Variants in TRIM44 observed in about 807,000 individuals in gnomAD.
The protein encoded by TRIM44 is tripartite motif-containing protein 44.
In TRIM44, 13 loss-of-function variants were observed where a neutral mutation model predicts 37.4. The observed-to-expected ratio is 0.35, with a 90% CI of 0.23 to 0.55. The LOEUF is 0.55. Ranked by LOEUF, TRIM44 falls within the 20% of genes least tolerant of loss-of-function variation. The probability of loss-of-function intolerance (pLI) is 0.89; values close to 1 mark genes in which losing one functional copy is unlikely to be tolerated. For missense variants in TRIM44, 426 were observed against 437.2 expected (o/e 0.97, Z 0.23); for synonymous variants, 175 against 157.2 (o/e 1.11, Z -0.85).
intron 4 of TRIM44, among the ~76,000 whole-genome samples, chr11:35,799,422 C>T (rs1323503794): frequency 6.6e-6 from 1 of 152,156 alleles, no homozygotes; most frequent in African/African-American, 2.4e-5. Flanking sequence ...AAACTCAGGT[C>T]TGTATTTCTT....
intron 4 of TRIM44, among the ~76,000 whole-genome samples, chr11:35,775,616 T>C (rs1852945908): frequency 6.6e-6 from 1 of 152,230 alleles, no homozygotes; most frequent in African/African-American, 2.4e-5. Context: ...TTGTGATAAA[T>C]AGCTCTTACC....
chr11:35,719,821 A>T (rs1032073167), intron 2 of TRIM44, among the ~76,000 whole-genome samples: 2 of 152,062 alleles, frequency 1.3e-5, no homozygotes, highest in African/African-American at 4.8e-5. Flanking sequence ...TCTCTATTGT[A>T]TTACCTTTGC....
At chr11:35,752,140 C>T (rs1852566207) in intron 4 of TRIM44, among the ~76,000 whole-genome samples, 1 of 151,458 alleles carries the variant, frequency 6.6e-6, no homozygotes, top group African/African-American at 2.4e-5. Context: ...AGGAATTATT[C>T]CCAATATCTT....
At chr11:35,740,547 G>A (rs1564990066) in intron 4 of TRIM44, among the ~76,000 whole-genome samples, 2 of 152,034 alleles carry the variant, frequency 1.3e-5, no homozygotes, top group Non-Finnish European at 2.9e-5. Context: ...TGTTATTCAG[G>A]CAAAAAGCTC....
At chr11:35,791,487 G>A (rs1590603783) in intron 4 of TRIM44, among the ~76,000 whole-genome samples, 1 of 152,018 alleles carries the variant, frequency 6.6e-6, no homozygotes, top group East Asian at 1.9e-4. Flanking sequence ...CCCCCGCCCT[G>A]ACATTTTCTT....
chr11:35,786,468 A>G (rs561746814), intron 4 of TRIM44, among the ~76,000 whole-genome samples: 1 of 152,276 alleles, frequency 6.6e-6, no homozygotes, highest in South Asian at 2.1e-4. Context: ...CACAATGCAC[A>G]CCACTTACAC....
intron 4 of TRIM44, among the ~76,000 whole-genome samples, chr11:35,744,133 G>C (rs927719020): frequency 5.3e-5 from 8 of 152,084 alleles, no homozygotes; most frequent in African/African-American, 1.9e-4. Flanking sequence ...TGTATACCAG[G>C]GATTTGTGAC....
chr11:35,750,738 TAG>T (rs1852549808), intron 4 of TRIM44, among the ~76,000 whole-genome samples: 1 of 152,320 alleles, frequency 6.6e-6, no homozygotes, highest in East Asian at 1.9e-4. Flanking sequence ...AAAGAAAATG[TAG>T]AGTCATTATC....
At chr11:35,696,625 G>T (rs1455219179) in intron 2 of TRIM44, among the ~76,000 whole-genome samples, 15 of 151,222 alleles carry the variant, frequency 9.9e-5, no homozygotes, top group African/African-American at 3.2e-4. Context: ...GAGGCGGGTG[G>T]ATCACGAGGT....
At chr11:35,722,432 T>TA (rs903211142) in intron 2 of TRIM44, among the ~76,000 whole-genome samples, 1 of 152,116 alleles carries the variant, frequency 6.6e-6, no homozygotes, top group African/African-American at 2.4e-5. Context: ...ATTAAGAAAG[T>TA]AGAGGAATGA....
intron 4 of TRIM44, among the ~76,000 whole-genome samples, chr11:35,766,272 C>T (rs768912214): frequency 1.3e-5 from 2 of 152,128 alleles, no homozygotes; most frequent in Non-Finnish European, 2.9e-5. Context: ...CGTTAATTAG[C>T]TGCTTGAGTT....
chr11:35,797,595 T>C (rs1853310272), intron 4 of TRIM44, among the ~76,000 whole-genome samples: 1 of 152,186 alleles, frequency 6.6e-6, no homozygotes. Flanking sequence ...GTAATGATAA[T>C]GGCACTTTAC....
At position 35,663,011 on chromosome 11, in the gene TRIM44, C is replaced by A; in HGVS notation, c.-101C>A. On this transcript the variant is annotated 5_prime_UTR_variant, in exon 1 of 5. Coordinates refer to ENST00000299413, the MANE Select transcript of TRIM44 (RefSeq NM_017583.6). ...GGCGCGGTCCAGGCGGGAGGCGACTCCCTAGGAAGGGACCCGGGGCGGGAG... is the reference window on the plus strand; with the variant it reads ...GGCGCGGTCCAGGCGGGAGGCGACTACCTAGGAAGGGACCCGGGGCGGGAG... 1 of 1,429,878 alleles carries A rather than the reference C, an allele frequency of 7.0e-7. No homozygotes were observed. Among genetic ancestry groups the A allele is most frequent in the South Asian group, 1.5e-5 (1 of 65,582 alleles). 88.6% of individuals were successfully genotyped at this position (1,429,878 alleles called of 1,614,324 possible). A position where few individuals can be genotyped will look rare whatever the true frequency, so the allele number is the denominator to read the frequency against.
chr11:35,787,326 A>G (rs1169912034), intron 4 of TRIM44, among the ~76,000 whole-genome samples: 2 of 152,206 alleles, frequency 1.3e-5, no homozygotes, highest in African/African-American at 2.4e-5. Context: ...ATTCTTAAAC[A>G]CCAGCAAAGC....
chr11:35,754,067 G>T (rs1852592590), intron 4 of TRIM44, among the ~76,000 whole-genome samples: 1 of 151,600 alleles, frequency 6.6e-6, no homozygotes, highest in Non-Finnish European at 1.5e-5. Context: ...AAGAAAAAAA[G>T]AAATTTATTG....
chr11:35,719,486 A>G (rs1007634891), intron 2 of TRIM44, among the ~76,000 whole-genome samples: 6 of 151,930 alleles, frequency 3.9e-5, no homozygotes, highest in Non-Finnish European at 5.9e-5. Flanking sequence ...TATGTCTTTT[A>G]TTAGTATTTT....
rs547210885 is a variant in TRIM44 at position 35,815,142 on chromosome 11, AGAG to A, written c.*8762_*8764del. ...TGTCCCAGGCCAGGAGATCAAATTA[AGAG>A]GAGGTTAGCTACTTTCCCTGGCTCT... On this transcript the variant is annotated 3_prime_UTR_variant, in exon 5 of 5. Coordinates refer to ENST00000299413, the MANE Select transcript of TRIM44 (RefSeq NM_017583.6). 7.4e-4 allele frequency: 112 copies of A among 152,312 alleles called. No homozygotes were observed. Among genetic ancestry groups the A allele is most frequent in the African/African-American group, 2.5e-3 (106 of 41,570 alleles). 9.4% of individuals were successfully genotyped at this position (152,312 alleles called of 1,614,324 possible).
chr11:35,753,253 A>G lies in TRIM44; in HGVS notation c.1007+17808A>G, dbSNP rs1199682341. Among the ~76,000 whole-genome samples the G allele has an allele frequency of 2.0e-5, 3 of 152,318 alleles. No individual in the cohort carries two copies. In the East Asian group the frequency reaches 5.8e-4, roughly 29 times the overall value. ...GTATATGAGTCTTTTGAAAACATTA[A>G]GGTGTTATAGACATGGAAGAGAAAG... On this transcript the variant is annotated intron_variant, in intron 4 of 4. Transcript: ENST00000299413.
At chr11:35,803,022 A>G (rs1252053558) in intron 4 of TRIM44, among the ~76,000 whole-genome samples, 6 of 152,152 alleles carry the variant, frequency 3.9e-5, no homozygotes, top group Non-Finnish European at 7.4e-5. Context: ...GAAGGGTAAC[A>G]TTTTTTATCA....
Sources: allele counts gnomAD v4.1 joint callset (sites outside exome capture counted in the v4.1 genomes callset), GRCh38; gene constraint gnomAD v4.1.1; transcripts MANE v1.5; gene names NCBI Gene and HGNC (gene_info 2026-07-23, HGNC 2026-07-21).